Variants in IMMP2L observed in about 807,000 individuals in gnomAD.
IMMP2L encodes the protein mitochondrial inner membrane protease subunit 2.
A neutral mutation model predicts 19.3 loss-of-function variants in IMMP2L; 18 were observed. That is an observed-to-expected ratio of 0.93 (90% CI 0.64 to 1.38). The LOEUF (loss-of-function observed/expected upper bound fraction) is 1.38. Among genes scored for constraint, IMMP2L ranks in the 40% most tolerant of loss-of-function variants. The pLI is 0.00. For synonymous variants in IMMP2L, 76 were observed against 73.0 expected (o/e 1.04, Z -0.21); for missense variants, 233 against 218.2 (o/e 1.07, Z -0.43).
intron 3 of IMMP2L, among the ~76,000 whole-genome samples, chr7:111,163,391 G>A (rs1805476058): frequency 6.6e-6 from 1 of 152,032 alleles, no homozygotes. Flanking sequence ...ATTCATGCTG[G>A]ACTCACTTCC....
intron 1 of IMMP2L, among the ~76,000 whole-genome samples, chr7:111,543,319 T>C (rs118154961): frequency 6.6e-6 from 1 of 152,302 alleles, no homozygotes; most frequent in Non-Finnish European, 1.5e-5. Context: ...CCGTTTCAAA[T>C]ACAAAGCTGA....
chr7:110,790,422 G>A (rs534977503), intron 5 of IMMP2L, among the ~76,000 whole-genome samples: 8 of 151,774 alleles, frequency 5.3e-5, no homozygotes, highest in Non-Finnish European at 1.2e-4. Context: ...TATATGAAGA[G>A]CAAGAGAGGA....
intron 5 of IMMP2L, among the ~76,000 whole-genome samples, chr7:110,765,800 A>G (rs912494112): frequency 2.0e-5 from 3 of 152,206 alleles, no homozygotes; most frequent in Non-Finnish European, 4.4e-5. Context: ...TTTATTTACT[A>G]TAATAGCCAT....
chr7:110,961,353 T>C (rs1563113991), intron 4 of IMMP2L, among the ~76,000 whole-genome samples: 1 of 151,860 alleles, frequency 6.6e-6, no homozygotes, highest in Non-Finnish European at 1.5e-5. Flanking sequence ...AGGTTACTTA[T>C]TCCTAATACA....
chr7:111,122,539 A>G (rs1011504036), intron 3 of IMMP2L: 16 of 512,726 alleles, frequency 3.1e-5, no homozygotes, highest in East Asian at 1.3e-4. Context: ...AAGTACATCA[A>G]TATTATATCA....
intron 5 of IMMP2L, among the ~76,000 whole-genome samples, chr7:110,702,025 G>A (rs1267423163): frequency 6.6e-6 from 1 of 151,890 alleles, no homozygotes; most frequent in Non-Finnish European, 1.5e-5. Context: ...GACCTCCCAG[G>A]CTCAAGCAAT....
chr7:111,081,449 T>A (rs1563221626), intron 3 of IMMP2L, among the ~76,000 whole-genome samples: 1 of 152,212 alleles, frequency 6.6e-6, no homozygotes, highest in Non-Finnish European at 1.5e-5. Flanking sequence ...TTAGACATGC[T>A]AGCACCTCTT....
chr7:110,991,618 C>T (rs1822462733), intron 3 of IMMP2L, among the ~76,000 whole-genome samples: 1 of 152,088 alleles, frequency 6.6e-6, no homozygotes, highest in Non-Finnish European at 1.5e-5. Flanking sequence ...CCCAGACCAA[C>T]TAACTAATCT....
At chr7:110,759,297 T>C (rs532692729) in intron 5 of IMMP2L, among the ~76,000 whole-genome samples, 4 of 152,250 alleles carry the variant, frequency 2.6e-5, no homozygotes, top group East Asian at 1.9e-4. Flanking sequence ...TACATTTCTA[T>C]CTCTTCCAGA....
intron 3 of IMMP2L, among the ~76,000 whole-genome samples, chr7:111,138,375 A>G (rs538390205): frequency 3.9e-5 from 6 of 152,284 alleles, no homozygotes; most frequent in Non-Finnish European, 5.9e-5. Context: ...ACTTTGTCCA[A>G]TGACGTGGCA....
intron 2 of IMMP2L, among the ~76,000 whole-genome samples, chr7:111,501,337 C>A (rs1163277294): frequency 2.0e-5 from 3 of 152,178 alleles, no homozygotes; most frequent in Admixed American, 2.0e-4. Context: ...AAGACCAAAT[C>A]TACGTCTGAT....
chr7:111,381,135 A>G (rs79664518), intron 3 of IMMP2L, among the ~76,000 whole-genome samples: 2 of 152,114 alleles, frequency 1.3e-5, no homozygotes, highest in African/African-American at 4.8e-5. Context: ...TAGGAAGTAC[A>G]TTAGTTTGGT....
intron 4 of IMMP2L, among the ~76,000 whole-genome samples, chr7:110,898,153 A>G (rs1379802462): frequency 6.6e-6 from 1 of 151,358 alleles, no homozygotes; most frequent in East Asian, 1.9e-4. Flanking sequence ...AATATTTTAT[A>G]TATACATATA....
intron 3 of IMMP2L, among the ~76,000 whole-genome samples, chr7:111,212,892 C>T (rs1811483171): frequency 1.3e-5 from 2 of 152,174 alleles, no homozygotes; most frequent in African/African-American, 4.8e-5. Context: ...CTACCGGTCT[C>T]ATTCCATGTG....
intron 3 of IMMP2L, among the ~76,000 whole-genome samples, chr7:111,382,878 C>T (rs771446779): frequency 6.6e-5 from 10 of 152,090 alleles, no homozygotes; most frequent in African/African-American, 9.7e-5. Flanking sequence ...AATTACCGGG[C>T]ACCTTTAGCT....
At chr7:111,556,018 G>GTGTATATATATATA (rs777862357) in intron 1 of IMMP2L, among the ~76,000 whole-genome samples, 33 of 91,364 alleles carry the variant, frequency 3.6e-4, no homozygotes, top group Middle Eastern at 5.3e-3. Context: ...CTGTGTGCAT[G>GTGTATATATATATA]TATATATATA....
intron 3 of IMMP2L, among the ~76,000 whole-genome samples, chr7:111,447,711 T>A (rs1838647805): frequency 6.6e-6 from 1 of 151,126 alleles, no homozygotes; most frequent in Non-Finnish European, 1.5e-5. Context: ...ATAACAATAT[T>A]AACTTTAAAT....
intron 3 of IMMP2L, among the ~76,000 whole-genome samples, chr7:111,385,790 A>G (rs993640748): frequency 1.3e-5 from 2 of 152,144 alleles, no homozygotes; most frequent in Non-Finnish European, 1.5e-5. Context: ...CTAAGGCATA[A>G]TTTATCTTTT....
At chr7:111,430,150 C>G (rs1414441602) in intron 3 of IMMP2L, among the ~76,000 whole-genome samples, 1 of 151,726 alleles carries the variant, frequency 6.6e-6, no homozygotes, top group Admixed American at 6.6e-5. Context: ...ATTTGAAATT[C>G]TTATTATAAT....
Sources: allele counts gnomAD v4.1 joint callset (sites outside exome capture counted in the v4.1 genomes callset), GRCh38; gene constraint gnomAD v4.1.1; transcripts MANE v1.5; gene names NCBI Gene and HGNC (gene_info 2026-07-23, HGNC 2026-07-21).